Variants in WDR72 observed in about 807,000 individuals in gnomAD.
The protein encoded by WDR72 is WD repeat-containing protein 72.
WDR72 carries 120 observed loss-of-function variants against 124.2 expected under a neutral mutation model. That is an observed-to-expected ratio of 0.97 (90% confidence interval 0.83 to 1.12). The LOEUF is 1.12. Among genes scored for constraint, WDR72 ranks in the 50% most tolerant of loss-of-function variants. The pLI, the probability that WDR72 is intolerant of heterozygous loss-of-function variation, is 0.00. For missense variants in WDR72, 1,387 were observed against 1,278.8 expected (o/e 1.08, Z -1.29); for synonymous variants, 452 against 441.7 (o/e 1.02, Z -0.29).
intron 13 of WDR72, among the ~76,000 whole-genome samples, chr15:53,683,780 A>C (rs1200703785): frequency 6.6e-6 from 1 of 152,116 alleles, no homozygotes; most frequent in Non-Finnish European, 1.5e-5. Flanking sequence ...ATATATATAT[A>C]TGGTCTGATT....
intron 14 of WDR72, among the ~76,000 whole-genome samples, chr15:53,652,803 A>C (rs1301153733): frequency 6.6e-6 from 1 of 152,150 alleles, no homozygotes; most frequent in Non-Finnish European, 1.5e-5. Flanking sequence ...TTGCCTCTTA[A>C]TCTTCCTTTC....
At chr15:53,684,561 G>A (rs1465154689) in intron 13 of WDR72, 1 of 160,516 alleles carries the variant, frequency 6.2e-6, no homozygotes, top group Non-Finnish European at 1.3e-5. Flanking sequence ...AGGGTCCTAC[G>A]CCCATGGAGT....
At chr15:53,738,835 G>T (rs939272126) in intron 1 of WDR72, among the ~76,000 whole-genome samples, 2 of 152,174 alleles carry the variant, frequency 1.3e-5, no homozygotes, top group African/African-American at 4.8e-5. Flanking sequence ...TTGAACTCCT[G>T]ACCTCAGGTG....
chr15:53,720,023 T>C (rs1220798679), intron 3 of WDR72, among the ~76,000 whole-genome samples: 2 of 152,174 alleles, frequency 1.3e-5, no homozygotes, highest in Non-Finnish European at 2.9e-5. Context: ...TTGATTAGTA[T>C]ACATATGATA....
rs530838136 is a variant in WDR72 at position 53,711,265 on chromosome 15, T to C, written c.857+71A>G. 1.2e-4 allele frequency: 194 copies of C among 1,609,582 alleles called. 2 individuals carry two copies. The East Asian group carries it at 4.2e-3, about 35-fold the overall frequency. On this transcript the variant is annotated intron_variant, in intron 8 of 19. Coordinates refer to ENST00000360509, the MANE Select transcript of WDR72 (RefSeq NM_182758.4). ...TGATCATGGGCAGCATGCAGGGATT[T>C]TTCCATAATAAACCTCCCAAAGTTC...
At position 53,710,958 on chromosome 15, in the gene WDR72, G is replaced by A. The variant is rs61747199; in HGVS notation, c.858-5C>T. ...TATATGCTTTTTGAAAGCCCACTGC[G>A]TGGCAAAAATAAAAAGCAAAGTTTA... is the stretch of plus-strand genomic sequence containing the variant. On this transcript the variant is annotated splice_region_variant and splice_polypyrimidine_tract_variant and intron_variant, in intron 8 of 19. Coordinates refer to ENST00000360509, the MANE Select transcript of WDR72 (RefSeq NM_182758.4). The A allele has an allele frequency of 2.6e-4, 420 of 1,611,336 alleles. 1 individual carries two copies. The highest frequency in any genetic ancestry group is 1.6e-4 in the Middle Eastern group (1 of 6,084).
chr15:53,745,127 T>G (rs1269849439), intron 1 of WDR72, among the ~76,000 whole-genome samples: 1 of 151,882 alleles, frequency 6.6e-6, no homozygotes, highest in Non-Finnish European at 1.5e-5. Flanking sequence ...CAAATATTCT[T>G]TGAGCCTCAG....
chr15:53,523,169 T>C lies in WDR72; in HGVS notation c.3253+49A>G, dbSNP rs560996419. On this transcript the variant is annotated intron_variant, in intron 19 of 19. Transcript: ENST00000360509. ...CACCCCCTTCCAAGGACCCCAAAGC[T>C]GTGTCAAATTTATCATTTTATACTT... 163 of 1,566,304 alleles carry C rather than the reference T, an allele frequency of 1.0e-4. 2 individuals are homozygous for C. The South Asian group carries it at 1.8e-3, about 17-fold the overall frequency.
intron 19 of WDR72, among the ~76,000 whole-genome samples, chr15:53,521,343 A>T (rs1891783001): frequency 6.6e-6 from 1 of 152,018 alleles, no homozygotes; most frequent in African/African-American, 2.4e-5. Flanking sequence ...GAGAAATACG[A>T]TGTCTCCATG....
chr15:53,658,580 C>T (rs552118521), intron 14 of WDR72, among the ~76,000 whole-genome samples: 1 of 152,076 alleles, frequency 6.6e-6, no homozygotes, highest in Non-Finnish European at 1.5e-5. Context: ...AGGGGAGGGA[C>T]ACGGAAGATA....
chr15:53,672,280 T>C lies in WDR72; in HGVS notation c.1766-6512A>G, dbSNP rs531281435. Among the ~76,000 whole-genome samples, 10 of 138,650 alleles carry C rather than the reference T, an allele frequency of 7.2e-5. No individual in the cohort carries two copies. The East Asian group carries it at 2.2e-3, about 30-fold the overall frequency. The allele number at this position is 138,650 out of a possible 152,430, so 91.0% of individuals were successfully genotyped here. On this transcript the variant is annotated intron_variant, in intron 13 of 19. Transcript: ENST00000360509. ...AGCAGAGACACAAAGCCTTAAGCATTAGCAGCACATAGGTGAGGATTAAAT... is the reference window on the plus strand; with the variant it reads ...AGCAGAGACACAAAGCCTTAAGCATCAGCAGCACATAGGTGAGGATTAAAT...
At chr15:53,678,641 C>T (rs1460291279) in intron 13 of WDR72, among the ~76,000 whole-genome samples, 1 of 152,190 alleles carries the variant, frequency 6.6e-6, no homozygotes, top group Non-Finnish European at 1.5e-5. Context: ...CTTTGTCCTA[C>T]CCAATTCTGA....
intron 13 of WDR72, among the ~76,000 whole-genome samples, chr15:53,692,011 C>A (rs1567031459): frequency 2.0e-5 from 3 of 152,086 alleles, no homozygotes; most frequent in Non-Finnish European, 2.9e-5. Flanking sequence ...GAACAGTGAA[C>A]CACACAGGCA....
intron 14 of WDR72, among the ~76,000 whole-genome samples, chr15:53,643,088 G>C (rs1257943137): frequency 6.6e-6 from 1 of 151,880 alleles, no homozygotes; most frequent in Non-Finnish European, 1.5e-5. Flanking sequence ...GAAAATACCA[G>C]TTAGGAAAAA....
intron 14 of WDR72, among the ~76,000 whole-genome samples, chr15:53,630,332 T>C (rs796431254): frequency 3.8e-4 from 58 of 152,246 alleles, no homozygotes; most frequent in African/African-American, 1.3e-3. Context: ...AAAATAGAAG[T>C]GGTGCGAGAA....
At chr15:53,523,905 G>T (rs1453236647) in intron 18 of WDR72, among the ~76,000 whole-genome samples, 1 of 152,016 alleles carries the variant, frequency 6.6e-6, no homozygotes, top group Non-Finnish European at 1.5e-5. Flanking sequence ...TCAAATGGTA[G>T]GTCTCCAGAC....
chr15:53,706,512 G>T (rs1016832767), intron 9 of WDR72, among the ~76,000 whole-genome samples: 3 of 150,944 alleles, frequency 2.0e-5, no homozygotes, highest in Non-Finnish European at 3.0e-5. Flanking sequence ...AGAAAACTTG[G>T]AATGAAGAGA....
intron 14 of WDR72, among the ~76,000 whole-genome samples, chr15:53,641,827 AC>A: frequency 6.6e-6 from 1 of 151,824 alleles, no homozygotes; most frequent in Non-Finnish European, 1.5e-5. Flanking sequence ...ACCATGCTGA[AC>A]ATTATTTTTT....
chr15:53,711,194 G>T, intron 8 of WDR72, 142 bp downstream of exon 8: 1 of 1,210,472 alleles, frequency 8.3e-7, no homozygotes, highest in Non-Finnish European at 1.2e-6. Context: ...AGCCTACCAA[G>T]CCCAGAGTAA....
Sources: gnomAD v4.1 joint callset for allele counts (sites outside exome capture counted in the v4.1 genomes callset) on GRCh38, gnomAD v4.1.1 for gene constraint, MANE v1.5 for transcripts, NCBI Gene and HGNC (gene_info 2026-07-23, HGNC 2026-07-21) for gene names.